The following GRIP1 variants were observed in gnomAD, a reference collection of about 807,000 sequenced individuals.
GRIP1 encodes the protein glutamate receptor-interacting protein 1.
GRIP1 carries 45 observed loss-of-function variants against 129.9 expected under a neutral mutation model. That is an observed-to-expected ratio of 0.35 (90% CI 0.27 to 0.44). GRIP1 has a LOEUF of 0.44. Among genes scored for constraint, GRIP1 ranks in the 20% least tolerant of loss-of-function variants. GRIP1 has a pLI of 1.00. For synonymous variants in GRIP1, 530 were observed against 520.8 expected (o/e 1.02, Z -0.24); for missense variants, 1,196 against 1,396.8 (o/e 0.86, Z 2.29).
intron 1 of GRIP1, among the ~76,000 whole-genome samples, chr12:66,883,750 C>A (rs1387932799): frequency 6.6e-6 from 1 of 152,200 alleles, no homozygotes; most frequent in African/African-American, 2.4e-5. Context: ...AAGACATCCC[C>A]GTTTGGACAC....
At chr12:66,895,542 A>G (rs1179823814) in intron 1 of GRIP1, among the ~76,000 whole-genome samples, 1 of 152,146 alleles carries the variant, frequency 6.6e-6, no homozygotes, top group Non-Finnish European at 1.5e-5. Context: ...TCACAGCCTC[A>G]CTTGGTCTGG....
chr12:66,911,739 G>T (rs912336670), intron 1 of GRIP1, among the ~76,000 whole-genome samples: 2 of 152,016 alleles, frequency 1.3e-5, no homozygotes, highest in Non-Finnish European at 2.9e-5. Context: ...AATATAGAGG[G>T]TGTCCAAAAA....
chr12:66,952,446 G>A (rs1592385264), intron 1 of GRIP1, among the ~76,000 whole-genome samples: 1 of 152,134 alleles, frequency 6.6e-6, no homozygotes, highest in East Asian at 1.9e-4. Context: ...TTTAAAACTT[G>A]AGATTATAAA....
In GRIP1 at chr12:66,664,019, C is replaced by A. The variant is rs139299656; in HGVS notation, c.55+14831G>T. Among the ~76,000 whole-genome samples the A allele has an allele frequency of 2.6e-3, 392 of 152,116 alleles. 1 individual carries two copies. The highest frequency in any genetic ancestry group is 9.1e-3 in the African/African-American group (376 of 41,504). On this transcript the variant is annotated intron_variant, in intron 1 of 24. Coordinates refer to ENST00000359742, the MANE Select transcript of GRIP1 (RefSeq NM_001366722.1). ...TAAATTGGGAAAATACTGGTTTAAA[C>A]AAAATTAATTGGATTTATTTTCTAT... is the stretch of plus-strand genomic sequence containing the variant.
At chr12:66,903,254 TTCA>T (rs2040872480) in intron 1 of GRIP1, among the ~76,000 whole-genome samples, 1 of 151,986 alleles carries the variant, frequency 6.6e-6, no homozygotes, top group Admixed American at 6.6e-5. Flanking sequence ...GTTTTAATTA[TTCA>T]TTATAGTACT....
intron 9 of GRIP1, among the ~76,000 whole-genome samples, chr12:66,458,238 C>G (rs1592359887): frequency 6.6e-6 from 1 of 152,106 alleles, no homozygotes; most frequent in Non-Finnish European, 1.5e-5. Context: ...TTTCCTACTT[C>G]AAGCTGCCAC....
rs535520062 is a variant in GRIP1 at position 67,067,910 on chromosome 12, C to T, written c.58+1140G>A. On this transcript the variant is annotated intron_variant, in intron 1 of 1. Transcript: ENST00000643019. Reference sequence around the variant, plus strand: ...ACGCTGCGCCGCTTAACCTCAGCACCGGCTGTTTCCCACAGCCCATGGAGC... The same window carrying T: ...ACGCTGCGCCGCTTAACCTCAGCACTGGCTGTTTCCCACAGCCCATGGAGC... 1.6e-4 allele frequency among the ~76,000 whole-genome samples: 24 copies of T among 152,296 alleles called. No homozygotes were observed. In the East Asian group the frequency reaches 4.4e-3, roughly 28 times the overall value.
rs575998212 is a variant in GRIP1 at position 66,743,802 on chromosome 12, A to C, written c.-420+60251T>G. On this transcript the variant is annotated intron_variant, in intron 1 of 4. Coordinates refer to the GRIP1 transcript ENST00000538373. ...TTTCTATTCAAAAACATCAGTTACC[A>C]GTGGATTGCCACAAGGGCTACAGCT... 2.1e-4 allele frequency among the ~76,000 whole-genome samples: 32 copies of C among 152,300 alleles called. No homozygotes were observed. In the South Asian group the frequency reaches 6.4e-3, roughly 31 times the overall value.
intron 1 of GRIP1, among the ~76,000 whole-genome samples, chr12:66,935,631 T>C (rs966102967): frequency 6.6e-6 from 1 of 152,170 alleles, no homozygotes; most frequent in African/African-American, 2.4e-5. Context: ...CAATGAATGA[T>C]TCACAAATTG....
chr12:67,003,744 AT>A, intron 1 of GRIP1, among the ~76,000 whole-genome samples: 1 of 152,000 alleles, frequency 6.6e-6, no homozygotes, highest in South Asian at 2.1e-4. Flanking sequence ...AAATAAAAAA[AT>A]TCCTACCATT....
chr12:66,643,809 C>T (rs2032135319), intron 1 of GRIP1, among the ~76,000 whole-genome samples: 1 of 152,166 alleles, frequency 6.6e-6, no homozygotes, highest in Non-Finnish European at 1.5e-5. Context: ...AGCAGTCCTC[C>T]TGCCTCATCC....
chr12:67,012,219 A>G (rs1291980226), intron 1 of GRIP1, among the ~76,000 whole-genome samples: 2 of 152,240 alleles, frequency 1.3e-5, no homozygotes, highest in Non-Finnish European at 2.9e-5. Context: ...GAAAGCTTCC[A>G]AAAGTTCTAC....
chr12:66,523,930 G>A (rs1411244879), intron 5 of GRIP1, among the ~76,000 whole-genome samples: 2 of 152,174 alleles, frequency 1.3e-5, no homozygotes, highest in Non-Finnish European at 2.9e-5. Context: ...AAGAGACAAA[G>A]AAGGCCATTA....
At chr12:66,600,156 A>AATGG (rs1221772477) in intron 1 of GRIP1, among the ~76,000 whole-genome samples, 9 of 152,180 alleles carry the variant, frequency 5.9e-5, no homozygotes, top group South Asian at 2.1e-4. Flanking sequence ...AACACTTACA[A>AATGG]ATGGTACTAC....
chr12:66,729,271 A>G (rs1347512282), intron 1 of GRIP1, among the ~76,000 whole-genome samples: 1 of 152,132 alleles, frequency 6.6e-6, no homozygotes, highest in Non-Finnish European at 1.5e-5. Flanking sequence ...TCTGGTATTT[A>G]ATTTTAGGTT....
At chr12:66,757,001 T>C (rs1228810081) in intron 1 of GRIP1, among the ~76,000 whole-genome samples, 1 of 152,232 alleles carries the variant, frequency 6.6e-6, no homozygotes, top group Non-Finnish European at 1.5e-5. Flanking sequence ...ATGGGATACA[T>C]GGAATATTTT....
At chr12:66,952,025 TTGA>T (rs1566092236) in intron 1 of GRIP1, among the ~76,000 whole-genome samples, 1 of 151,940 alleles carries the variant, frequency 6.6e-6, no homozygotes, top group African/African-American at 2.4e-5. Context: ...TTGCAGGAAA[TTGA>T]TGATAGATTG....
intron 2 of GRIP1, among the ~76,000 whole-genome samples, chr12:66,562,330 C>T (rs2062564241): frequency 6.6e-6 from 1 of 152,184 alleles, no homozygotes. Context: ...ATATTGTCCT[C>T]ATCACCAGTA....
intron 7 of GRIP1, among the ~76,000 whole-genome samples, chr12:66,514,103 C>T (rs540779993): frequency 9.9e-5 from 15 of 152,262 alleles, no homozygotes; most frequent in East Asian, 9.6e-4. Context: ...TTTATGGCAA[C>T]GATCACACTT....
Sources: allele counts gnomAD v4.1 joint callset (sites outside exome capture counted in the v4.1 genomes callset), GRCh38; gene constraint gnomAD v4.1.1; transcripts MANE v1.5; gene names NCBI Gene and HGNC (gene_info 2026-07-23, HGNC 2026-07-21).